Variants in EVI5L observed in about 807,000 individuals in gnomAD.
EVI5L encodes ecotropic viral integration site 5 like.
EVI5L carries 30 observed loss-of-function variants against 106.1 expected under a neutral mutation model. The observed-to-expected ratio is 0.28, with a 90% confidence interval of 0.21 to 0.38. EVI5L has a LOEUF of 0.38. Ranked by LOEUF, EVI5L falls within the 10% of genes least tolerant of loss-of-function variation. EVI5L has a pLI of 1.00. For missense variants in EVI5L, 809 were observed against 1,098.0 expected, an observed-to-expected ratio of 0.74 and a Z score of 3.72; for synonymous variants, 489 against 483.3, an observed-to-expected ratio of 1.01 and a Z score of -0.15.
At chr19:7,862,905 G>T in intron 17 of EVI5L, 67 bp from the exon 18 acceptor site, 3 of 1,153,882 alleles carry the variant, frequency 2.6e-6, no homozygotes, top group South Asian at 1.4e-5. Flanking sequence ...CCCTGCCCGC[G>T]GTCCCGCCCC....
Position 7,848,007 on chromosome 19 carries a change from G to T in EVI5L, c.327+86G>T. ...CAGCCACCAGGCAGCGCCAGGGTCTGCGGGGCCCCAGCCTGGGCACAGCGG... is the reference window on the plus strand; with the variant it reads ...CAGCCACCAGGCAGCGCCAGGGTCTTCGGGGCCCCAGCCTGGGCACAGCGG... On this transcript the variant is annotated intron_variant, in intron 3 of 19. Coordinates refer to ENST00000538904, the MANE Select transcript of EVI5L (RefSeq NM_001159944.3). This position sits in a 1 kb window ranked among gnomAD's most constrained non-coding sequence, Gnocchi z 4.8. 1.4e-6 allele frequency: 2 copies of T among 1,426,406 alleles called. No individual in the cohort carries two copies. Among genetic ancestry groups the T allele is most frequent in the South Asian group, 1.4e-5 (1 of 70,520 alleles). The allele number at this position is 1,426,406 out of a possible 1,614,324, so 88.4% of individuals were successfully genotyped here. A position where few individuals can be genotyped will look rare whatever the true frequency, so the allele number is the denominator to read the frequency against.
At chr19:7,846,067 G>A (rs79319001) in intron 1 of EVI5L, among the ~76,000 whole-genome samples, 3 of 152,328 alleles carry the variant, frequency 2.0e-5, no homozygotes, top group East Asian at 3.9e-4. Flanking sequence ...TGGCGGGGAC[G>A]GGGACAAAGC....
At chr19:7,855,775 G>C (rs542629269) in intron 10 of EVI5L, among the ~76,000 whole-genome samples, 6 of 152,204 alleles carry the variant, frequency 3.9e-5, no homozygotes, top group African/African-American at 7.2e-5. Flanking sequence ...AGGCACTGAC[G>C]TTATTTTTAC....
At position 7,856,766 on chromosome 19, in the gene EVI5L, A is replaced by C. The variant is rs946039959; in HGVS notation, c.1201-326A>C. On this transcript the variant is annotated intron_variant, in intron 11 of 19. Transcript: ENST00000538904. The surrounding 1 kb of genome is among the most constrained non-coding windows in gnomAD (Gnocchi z 6.6). ...GAAGCCAAAAGTCCCCCTGCCCCCCACAGTTTTTCCAGCCAGCAGCGGCCC... is the reference window on the plus strand; with the variant it reads ...GAAGCCAAAAGTCCCCCTGCCCCCCCCAGTTTTTCCAGCCAGCAGCGGCCC... Among the ~76,000 whole-genome samples the C allele has an allele frequency of 2.0e-5, 3 of 151,526 alleles. No homozygotes were observed. Among genetic ancestry groups the C allele is most frequent in the Admixed American group, 6.6e-5 (1 of 15,240 alleles).
rs771159185 is a variant in EVI5L, at chr19:7,853,256, G to T, written c.1086-17G>T. The T allele has an allele frequency of 1.9e-6, 3 of 1,613,904 alleles. No individual in the cohort carries two copies. The highest frequency in any genetic ancestry group is 1.7e-6 in the Non-Finnish European group (2 of 1,179,966). On this transcript the variant is annotated splice_polypyrimidine_tract_variant and intron_variant, in intron 9 of 19. Transcript: ENST00000538904. ...CCGAGGGCATGACAGTAACCACGGGGCCCTCCCGATCTGCAGGCTGGAGAA... is the reference window on the plus strand; with the variant it reads ...CCGAGGGCATGACAGTAACCACGGGTCCCTCCCGATCTGCAGGCTGGAGAA...
At chr19:7,830,862 A>G (rs1324041666) in intron 1 of EVI5L, among the ~76,000 whole-genome samples, 4 of 91,632 alleles carry the variant, frequency 4.4e-5, no homozygotes, top group African/African-American at 1.8e-4. Context: ...ACGTCCTCCT[A>G]TCTTGGGCCC....
At chr19:7,843,842 C>T (rs1018353178) in intron 1 of EVI5L, among the ~76,000 whole-genome samples, 3 of 151,838 alleles carry the variant, frequency 2.0e-5, no homozygotes, top group East Asian at 3.9e-4. Context: ...CGTGCACACA[C>T]GCTTCAGGAG....
At chr19:7,861,762 C>G in intron 14 of EVI5L, 116 bp from the exon 15 acceptor site, 1 of 1,380,886 alleles carries the variant, frequency 7.2e-7, no homozygotes, top group East Asian at 2.5e-5. Flanking sequence ...CGCCCTCCCC[C>G]ATCTGAGCCG....
At chr19:7,842,715 C>T (rs1233078448) in intron 1 of EVI5L, among the ~76,000 whole-genome samples, 5 of 149,840 alleles carry the variant, frequency 3.3e-5, no homozygotes, top group Non-Finnish European at 5.9e-5. Flanking sequence ...TGGATGTGCA[C>T]GAGTATGTGT....
chr19:7,857,405 G>A lies in EVI5L; in HGVS notation c.1233+281G>A, dbSNP rs1979582424. ...CTTCCTCCGGGCGACACAGGGTGGG[G>A]ACCCAGGAGGGCTGGGGAACCTAAA... On this transcript the variant is annotated intron_variant, in intron 12 of 19. Coordinates refer to ENST00000538904, the MANE Select transcript of EVI5L (RefSeq NM_001159944.3). This position sits in a 1 kb window ranked among gnomAD's most constrained non-coding sequence, Gnocchi z 4.5. 1.7e-6 allele frequency: 1 copy of A among 586,122 alleles called. No individual in the cohort carries two copies. Among genetic ancestry groups the A allele is most frequent in the Non-Finnish European group, 3.0e-6 (1 of 328,000 alleles). The allele number at this position is 586,122 out of a possible 1,614,324, so 36.3% of individuals were successfully genotyped here.
At position 7,849,078 on chromosome 19, in the gene EVI5L, A is replaced by T. The variant is rs1979105393; in HGVS notation, c.485A>T (p.Tyr162Phe). The part of the protein sequence containing the change: ...KLIRRDIART[Y>F]PEHEFFKGQD... ...ATCCGCAGGGACATCGCCCGCACCT[A>T]CCCGGAACATGAGTTCTTCAAGGGC... The change falls in exon 4 of 20, where the codon TAC (tyrosine) becomes TTC (phenylalanine). Residue 162 changes from tyrosine (Y) to phenylalanine (F), a missense_variant. Around this residue, in one of 2 missense-constraint regions of EVI5L, gnomAD observed 357 missense variants for 588.1 expected, o/e 0.61. Transcript: ENST00000538904. 6.2e-7 allele frequency: 1 copy of T among 1,611,284 alleles called. No individual in the cohort carries two copies. The highest frequency in any genetic ancestry group is 1.3e-5 in the African/African-American group (1 of 74,844).
At position 7,856,136 on chromosome 19, in the gene EVI5L, G is replaced by A. The variant is rs1033543587; in HGVS notation, c.1200+68G>A. Reference sequence around the variant, plus strand: ...GTGACCCACCATGCGGGGCATGGCCGCTAACCTGGGGTGGACTCCTCCAAG... The same window carrying A: ...GTGACCCACCATGCGGGGCATGGCCACTAACCTGGGGTGGACTCCTCCAAG... On this transcript the variant is annotated intron_variant, in intron 11 of 19. Coordinates refer to ENST00000538904, the MANE Select transcript of EVI5L (RefSeq NM_001159944.3). The surrounding 1 kb of genome is among the most constrained non-coding windows in gnomAD (Gnocchi z 6.6). 1.9e-5 allele frequency: 24 copies of A among 1,286,982 alleles called. No individual in the cohort carries two copies. The highest frequency in any genetic ancestry group is 6.2e-5 in the Admixed American group (2 of 32,504). 79.7% of individuals were successfully genotyped at this position (1,286,982 alleles called of 1,614,324 possible).
chr19:7,849,346 GT>G lies in EVI5L; in HGVS notation c.627+17del. The G allele has an allele frequency of 6.2e-7, 1 of 1,613,544 alleles. No individual in the cohort carries two copies. The highest frequency in any genetic ancestry group is 8.5e-7 in the Non-Finnish European group (1 of 1,179,908). On this transcript the variant is annotated intron_variant, in intron 5 of 19. Transcript: ENST00000538904. ...CCTCATGCAGGTAGGTGGCTGGGGG[GT>G]GGCTGGGCTCCTGCCAGACAACAGC...
At chr19:7,846,356 G>A in intron 1 of EVI5L, 140 bp from the exon 2 acceptor site, 1 of 683,888 alleles carries the variant, frequency 1.5e-6, no homozygotes, top group Middle Eastern at 4.2e-4. Flanking sequence ...AGCTGGGCTG[G>A]GGCGCATGGG....
chr19:7,863,277 C>G lies in EVI5L; in HGVS notation c.2136C>G (p.Ala712=). 1 of 1,554,842 alleles carries G rather than the reference C, an allele frequency of 6.4e-7. No individual in the cohort carries two copies. The highest frequency in any genetic ancestry group is 2.0e-5 in the Admixed American group (1 of 51,206). ...AGGACCAGATCGAGGAGCTGAAGGC[C>G]GAGGTGAGCCGGCGCGGGGATGCCG... ...ELKDQIEELK[A]EVRLLKGPPP... is the part of the protein sequence containing the mutation. The change falls in exon 19 of 20, where the codon GCC becomes GCG. Residue 712 remains alanine (A), a synonymous_variant. Coordinates refer to ENST00000538904, the MANE Select transcript of EVI5L (RefSeq NM_001159944.3). The surrounding 1 kb of genome is among the most constrained non-coding windows in gnomAD (Gnocchi z 7.7).
chr19:7,842,498 AAG>A (rs796539655), intron 1 of EVI5L, among the ~76,000 whole-genome samples: 59 of 63,450 alleles, frequency 9.3e-4, no homozygotes, highest in South Asian at 3.1e-3. Context: ...GGATGTGTGA[AAG>A]TGTGTGTATC....
intron 10 of EVI5L, 122 bp downstream of exon 10, chr19:7,853,455 C>T: frequency 7.3e-7 from 1 of 1,372,786 alleles, no homozygotes; most frequent in Non-Finnish European, 1.0e-6. Context: ...CCCGGCGGTC[C>T]TTGGCGGACA....
rs1980050888 is a variant in EVI5L, at chr19:7,864,903, A to G, written c.*1201A>G. 2 of 152,400 alleles carry G rather than the reference A, an allele frequency of 1.3e-5. No homozygotes were observed. The highest frequency in any genetic ancestry group is 4.8e-5 in the African/African-American group (2 of 41,448). 9.4% of individuals were successfully genotyped at this position (152,400 alleles called of 1,614,324 possible). On this transcript the variant is annotated 3_prime_UTR_variant, in exon 20 of 20. Transcript: ENST00000538904. This position sits in a 1 kb window ranked among gnomAD's most constrained non-coding sequence, Gnocchi z 4.5. ...CCACACGCCCCCTACACTGCCCGCC[A>G]CCATTTTGCACACTGCCTGTTCACA...
chr19:7,843,747 T>C (rs951395144), intron 1 of EVI5L, among the ~76,000 whole-genome samples: 8 of 151,824 alleles, frequency 5.3e-5, no homozygotes, highest in Non-Finnish European at 7.4e-5. Flanking sequence ...AGAGTTTGTA[T>C]GTGAGTGGGG....
Sources: allele counts gnomAD v4.1 joint callset (sites outside exome capture counted in the v4.1 genomes callset), GRCh38; gene constraint gnomAD v4.1.1; regional missense constraint gnomAD v4.1.1; non-coding constraint Gnocchi (gnomAD v3.1); transcripts MANE v1.5; gene names NCBI Gene and HGNC (gene_info 2026-07-23, HGNC 2026-07-21).